Variants in CHST11 observed in about 807,000 individuals in gnomAD.
CHST11 encodes the protein C4S-1.
Under a neutral mutation model 30.4 loss-of-function variants are expected in CHST11, and 9 were observed. The observed-to-expected ratio is 0.30, with a 90% CI of 0.18 to 0.52. CHST11 has a LOEUF of 0.52. CHST11 is among the 20% of genes least tolerant of loss of function. The probability of loss-of-function intolerance (pLI) is 0.97; values close to 1 mark genes in which losing one functional copy is unlikely to be tolerated. For synonymous variants in CHST11, 152 were observed against 187.8 expected (o/e 0.81, Z 1.56); for missense variants, 348 against 460.6 (o/e 0.76, Z 2.24).
rs200514563 is a variant in CHST11, at chr12:104,636,864, TA to T, written c.204+34877del. Among the ~76,000 whole-genome samples the T allele has an allele frequency of 4.1e-3, 620 of 151,966 alleles. 5 individuals are homozygous for T. Among genetic ancestry groups the T allele is most frequent in the African/African-American group, 0.014 (589 of 41,384 alleles). ...TCCTACTACTCCTATTTTTTTTTTTTAAAACAACTTTTATTTTTGCACCCCT... is the reference window on the plus strand; with the variant it reads ...TCCTACTACTCCTATTTTTTTTTTTTAAACAACTTTTATTTTTGCACCCCT... On this transcript the variant is annotated intron_variant, in intron 2 of 2. Transcript: ENST00000303694.
chr12:104,640,774 C>CAACTCATCAGT (rs1439126018), intron 2 of CHST11, among the ~76,000 whole-genome samples: 19 of 152,078 alleles, frequency 1.2e-4, no homozygotes, highest in African/African-American at 4.6e-4. Flanking sequence ...AACATATGTA[C>CAACTCATCAGT]CACACCAATG....
intron 1 of CHST11, among the ~76,000 whole-genome samples, chr12:104,555,298 A>G (rs567154866): frequency 2.6e-5 from 4 of 152,334 alleles, no homozygotes; most frequent in Admixed American, 2.6e-4. Context: ...TGGTGGGCAG[A>G]ATGGGGAGTG....
At chr12:104,642,181 C>G (rs1464809203) in intron 2 of CHST11, among the ~76,000 whole-genome samples, 2 of 151,904 alleles carry the variant, frequency 1.3e-5, no homozygotes, top group Non-Finnish European at 2.9e-5. Context: ...TAGAAATGAT[C>G]AAAATATCAT....
intron 1 of CHST11, among the ~76,000 whole-genome samples, chr12:104,460,234 G>C (rs2037394090): frequency 2.0e-5 from 3 of 152,212 alleles, no homozygotes; most frequent in Non-Finnish European, 4.4e-5. Flanking sequence ...GCATGGCACG[G>C]ATTGTGTAGC....
intron 1 of CHST11, among the ~76,000 whole-genome samples, chr12:104,467,274 T>A (rs1399406803): frequency 5.3e-5 from 8 of 152,230 alleles, no homozygotes; most frequent in Non-Finnish European, 1.2e-4. Flanking sequence ...ATTTGTATTC[T>A]TGATATAGTT....
chr12:104,466,749 T>C (rs1191752739), intron 1 of CHST11, among the ~76,000 whole-genome samples: 1 of 152,270 alleles, frequency 6.6e-6, no homozygotes, highest in Non-Finnish European at 1.5e-5. Context: ...CAGCCATCCC[T>C]CAATATATTT....
intron 1 of CHST11, among the ~76,000 whole-genome samples, chr12:104,550,072 C>T (rs1313523175): frequency 6.6e-6 from 1 of 152,200 alleles, no homozygotes; most frequent in Non-Finnish European, 1.5e-5. Context: ...TACCTGACCT[C>T]TTTGGGCTGT....
intron 2 of CHST11, among the ~76,000 whole-genome samples, chr12:104,604,587 T>A (rs1205475071): frequency 9.2e-5 from 14 of 152,178 alleles, no homozygotes. Context: ...TTTGTGTCCA[T>A]GAGCCATTTA....
At chr12:104,686,857 A>G (rs1436468834) in intron 2 of CHST11, among the ~76,000 whole-genome samples, 3 of 152,218 alleles carry the variant, frequency 2.0e-5, no homozygotes, top group Non-Finnish European at 2.9e-5. Flanking sequence ...CACGTTGGTC[A>G]GGCTGGTCTC....
At position 104,748,187 on chromosome 12, in the gene CHST11, C is replaced by G. The variant is rs181296015; in HGVS notation, c.205-8762C>G. 2.0e-5 allele frequency among the ~76,000 whole-genome samples: 3 copies of G among 152,184 alleles called. No homozygotes were observed. In the South Asian group the frequency reaches 6.2e-4, roughly 32 times the overall value. ...GCTGGGGGTGGATCTAGGAGTCTGT[C>G]GGCAGCAGATGGCGAACCTGGGTTC... is the stretch of plus-strand genomic sequence containing the variant. On this transcript the variant is annotated intron_variant, in intron 2 of 2. Transcript: ENST00000303694.
chr12:104,748,906 G>T (rs551342949), intron 2 of CHST11, among the ~76,000 whole-genome samples: 1 of 152,270 alleles, frequency 6.6e-6, no homozygotes, highest in South Asian at 2.1e-4. Flanking sequence ...GTTCATGTAG[G>T]CTCAAGTTTG....
At chr12:104,672,112 G>A (rs1340720169) in intron 2 of CHST11, among the ~76,000 whole-genome samples, 1 of 152,190 alleles carries the variant, frequency 6.6e-6, no homozygotes, top group Non-Finnish European at 1.5e-5. Context: ...TACAATTTGG[G>A]TAGCTCGAGT....
chr12:104,663,402 A>G (rs1288183094), intron 2 of CHST11, among the ~76,000 whole-genome samples: 1 of 152,208 alleles, frequency 6.6e-6, no homozygotes. Context: ...ATGCAAGTCA[A>G]ATGAATAAGG....
intron 1 of CHST11, among the ~76,000 whole-genome samples, chr12:104,538,364 A>G (rs1390302924): frequency 6.6e-6 from 1 of 152,192 alleles, no homozygotes; most frequent in Non-Finnish European, 1.5e-5. Context: ...ATCTCATCCT[A>G]TCAAGGGTGC....
chr12:104,574,651 T>A (rs113573463), intron 1 of CHST11, among the ~76,000 whole-genome samples: 1 of 151,624 alleles, frequency 6.6e-6, no homozygotes, highest in African/African-American at 2.4e-5. Context: ...TAGGTGGGAA[T>A]TGAACAATGA....
chr12:104,741,071 C>A (rs183153042), intron 2 of CHST11, among the ~76,000 whole-genome samples: 1 of 152,260 alleles, frequency 6.6e-6, no homozygotes, highest in Non-Finnish European at 1.5e-5. Context: ...TATTGGGCAC[C>A]AAGTGCCTGG....
intron 1 of CHST11, among the ~76,000 whole-genome samples, chr12:104,549,814 G>A (rs1487957713): frequency 6.6e-6 from 1 of 152,152 alleles, no homozygotes; most frequent in Non-Finnish European, 1.5e-5. Context: ...GGCTGAGGTG[G>A]GAGAATCTCT....
At chr12:104,679,656 C>G (rs1451601782) in intron 2 of CHST11, among the ~76,000 whole-genome samples, 1 of 152,160 alleles carries the variant, frequency 6.6e-6, no homozygotes. Flanking sequence ...CCGCCGAGCC[C>G]CAGCTGCAGG....
intron 2 of CHST11, among the ~76,000 whole-genome samples, chr12:104,723,168 CAAT>C (rs2040191786): frequency 6.6e-6 from 1 of 152,250 alleles, no homozygotes; most frequent in African/African-American, 2.4e-5. Context: ...GTATTAACAA[CAAT>C]GACAACAACG....
Sources: allele counts gnomAD v4.1 joint callset (sites outside exome capture counted in the v4.1 genomes callset), GRCh38; gene constraint gnomAD v4.1.1; transcripts MANE v1.5; gene names NCBI Gene and HGNC (gene_info 2026-07-23, HGNC 2026-07-21).